DNAH6: variants seen among roughly 807,000 people sequenced by gnomAD.
DNAH6 encodes dynein axonemal heavy chain 6, also known as axonemal beta dynein heavy chain 6.
In DNAH6, 340 loss-of-function variants were observed where a neutral mutation model predicts 491.4. The observed-to-expected ratio is 0.69, with a 90% CI of 0.63 to 0.76. The LOEUF is 0.76. Among genes scored for constraint, DNAH6 ranks in the 30% least tolerant of loss-of-function variants. DNAH6 has a pLI of 0.00. For missense variants in DNAH6, 4,443 were observed against 4,972.2 expected, an observed-to-expected ratio of 0.89 and a Z score of 3.20; for synonymous variants, 1,603 against 1,686.1, an observed-to-expected ratio of 0.95 and a Z score of 1.21.
the DNAH6 span, among the ~76,000 whole-genome samples, chr2:84,495,330 T>C: frequency 6.6e-6 from 1 of 152,182 alleles, no homozygotes; most frequent in Non-Finnish European, 1.5e-5. Context: ...GCCCTGCTAA[T>C]TTTTGTATTT....
intron 2 of DNAH6, among the ~76,000 whole-genome samples, chr2:84,520,048 A>C (rs1015701476): frequency 6.6e-6 from 1 of 151,850 alleles, no homozygotes; most frequent in Non-Finnish European, 1.5e-5. Context: ...GAGACATTCA[A>C]GTTGTTTTGC....
intron 30 of DNAH6, among the ~76,000 whole-genome samples, chr2:84,636,238 A>G (rs1688868708): frequency 6.6e-6 from 1 of 152,180 alleles, no homozygotes; most frequent in South Asian, 2.1e-4. Flanking sequence ...CAGCCTAGCT[A>G]TGCTTTCTGG....
chr2:84,669,584 G>A (rs1159954950), intron 38 of DNAH6, 74 bp downstream of exon 38: 14 of 1,245,142 alleles, frequency 1.1e-5, no homozygotes, highest in Middle Eastern at 1.9e-4. Context: ...GTTAGCACCA[G>A]AAGTAATATT....
intron 75 of DNAH6, among the ~76,000 whole-genome samples, chr2:84,814,566 G>A (rs1470316274): frequency 1.3e-5 from 2 of 152,076 alleles, no homozygotes; most frequent in East Asian, 3.9e-4. Context: ...TCCCATGTCA[G>A]GAAAACTTGA....
rs138768260 is a variant in DNAH6 at position 84,702,132 on chromosome 2, C to T, written c.8061+793C>T. On this transcript the variant is annotated intron_variant, in intron 49 of 76. Transcript: ENST00000389394. ...TTTAAAGAACATGTGCCAGTGGTTC[C>T]GACTAAGAGCAAGGACTGGGGTATC... Among the ~76,000 whole-genome samples, 29 of 152,216 alleles carry T rather than the reference C, an allele frequency of 1.9e-4. 2 individuals carry two copies. In the East Asian group the frequency reaches 4.8e-3, roughly 25 times the overall value.
At position 84,686,480 on chromosome 2, in the gene DNAH6, A is replaced by G. The variant is rs1215971947; in HGVS notation, c.7064-4A>G. ...TTTAAAACTTGGTTTTGTTCTTTAA[A>G]TAGACAAACATTTTGGAATTGCAAT... On this transcript the variant is annotated splice_region_variant and splice_polypyrimidine_tract_variant and intron_variant, in intron 43 of 76. Transcript: ENST00000389394. The G allele has an allele frequency of 6.6e-7, 1 of 1,505,994 alleles. No individual in the cohort carries two copies. The highest frequency in any genetic ancestry group is 2.0e-5 in the Admixed American group (1 of 49,690). The allele number at this position is 1,505,994 out of a possible 1,614,324, so 93.3% of individuals were successfully genotyped here.
At position 84,669,507 on chromosome 2, in the gene DNAH6, C is replaced by T. The variant is rs1692505343; in HGVS notation, c.6303C>T (p.Gly2101=). Residue 2101 remains glycine (G), a synonymous_variant, in exon 38 of 77, where the codon GGC becomes GGT. Coordinates refer to ENST00000389394, the MANE Select transcript of DNAH6 (RefSeq NM_001370.2). ...TGTTTACTGGAATAACTGGAGTGGG[C>T]AAGGTAGGAAACTTACATCAAACAA... ...SVLFTGITGV[G]KSVIAKGLLN... 1.9e-6 allele frequency: 3 copies of T among 1,551,370 alleles called. No homozygotes were observed. The highest frequency in any genetic ancestry group is 1.7e-6 in the Non-Finnish European group (2 of 1,146,750).
intron 60 of DNAH6, among the ~76,000 whole-genome samples, chr2:84,725,950 C>G (rs1698582612): frequency 6.6e-6 from 1 of 152,176 alleles, no homozygotes; most frequent in Admixed American, 6.5e-5. Context: ...CCTTTGTCAA[C>G]AAAACTTTCA....
At position 84,653,748 on chromosome 2, in the gene DNAH6, C is replaced by T. The variant is rs1238470436; in HGVS notation, c.5508C>T (p.Ile1836=). 2.6e-6 allele frequency: 4 copies of T among 1,551,324 alleles called. No homozygotes were observed. Among genetic ancestry groups the T allele is most frequent in the Non-Finnish European group, 3.5e-6 (4 of 1,146,686 alleles). ...CTTCAGAAGACCATAAATGGATCATCAGTGATGGGCCAGTAGATGCTCTTT... is the reference window on the plus strand; with the variant it reads ...CTTCAGAAGACCATAAATGGATCATTAGTGATGGGCCAGTAGATGCTCTTT... The part of the protein sequence containing the change: ...NDTSEDHKWI[I]SDGPVDALWI... Residue 1836 remains isoleucine, a synonymous_variant, in exon 34 of 77, where the codon ATC becomes ATT. Coordinates refer to ENST00000389394, the MANE Select transcript of DNAH6 (RefSeq NM_001370.2).
In DNAH6 at chr2:84,557,839, C is replaced by CA; in HGVS notation, c.1709dup (p.Asn570LysfsTer4). Reference sequence around the variant, plus strand: ...ATGCTTTCACCAGCCCTTATATTAACAACAAACTTGAAGGAAAAACCTGTG... The same window carrying CA: ...ATGCTTTCACCAGCCCTTATATTAACAAACAAACTTGAAGGAAAAACCTGTG... On this transcript the variant is annotated frameshift_variant, in exon 11 of 77. Transcript: ENST00000389394. LOFTEE classifies it high-confidence loss of function. 2 of 1,613,050 alleles carry CA rather than the reference C, an allele frequency of 1.2e-6. No homozygotes were observed. Among genetic ancestry groups the CA allele is most frequent in the Non-Finnish European group, 1.7e-6 (2 of 1,179,472 alleles).
At chr2:84,470,362 A>C in the DNAH6 span, among the ~76,000 whole-genome samples, 1 of 152,182 alleles carries the variant, frequency 6.6e-6, no homozygotes, top group African/African-American at 2.4e-5. Context: ...TAAGAAAGTA[A>C]AGGAATAAAA....
the DNAH6 span, among the ~76,000 whole-genome samples, chr2:84,465,272 G>C: frequency 6.6e-6 from 1 of 152,168 alleles, no homozygotes; most frequent in Admixed American, 6.5e-5. Flanking sequence ...GAGGTGAGCA[G>C]ATCACGAGGT....
chr2:84,528,986 G>T lies in DNAH6; in HGVS notation c.482G>T (p.Gly161Val), dbSNP rs1676887383. 6.4e-7 allele frequency: 1 copy of T among 1,550,586 alleles called. No homozygotes were observed. Among genetic ancestry groups the T allele is most frequent in the Admixed American group, 2.0e-5 (1 of 50,884 alleles). The part of the protein sequence containing the change: ...HTGIGKRGLF[G>V]TRSSAYPKYT... ...GGTATTGGAAAAAGAGGTCTCTTTG[G>T]GACTAGATCTTCAGCTTACCCTAAG... The change falls in exon 4 of 77, where the codon GGG becomes GTG. Residue 161 changes from glycine to valine, a missense_variant. By Grantham distance (109) the Gly-to-Val change is moderately radical. Around this residue, in one of 3 missense-constraint regions of DNAH6, gnomAD observed 2,977 missense variants for 3,296.6 expected, o/e 0.90. Coordinates refer to ENST00000389394, the MANE Select transcript of DNAH6 (RefSeq NM_001370.2).
chr2:84,481,095 G>A, the DNAH6 span, among the ~76,000 whole-genome samples: 7 of 152,110 alleles, frequency 4.6e-5, no homozygotes, highest in Non-Finnish European at 5.9e-5. Flanking sequence ...CAGGACTAAC[G>A]GATTGGAAAG....
chr2:84,522,162 T>C (rs1676210498), intron 2 of DNAH6, among the ~76,000 whole-genome samples: 1 of 152,148 alleles, frequency 6.6e-6, no homozygotes, highest in South Asian at 2.1e-4. Flanking sequence ...AGCAGTGCTT[T>C]GTAATTTTCA....
chr2:84,598,127 TTTTC>T lies in DNAH6; in HGVS notation c.2868+2388_2868+2391del, dbSNP rs56356355. 7.3e-3 allele frequency among the ~76,000 whole-genome samples: 797 copies of T among 109,392 alleles called. 4 individuals carry two copies. Among genetic ancestry groups the T allele is most frequent in the African/African-American group, 0.013 (373 of 29,082 alleles). The allele number at this position is 109,392 out of a possible 152,430, so 71.8% of individuals were successfully genotyped here. A position where few individuals can be genotyped will look rare whatever the true frequency, so the allele number is the denominator to read the frequency against. ...GAACTCGTGGTTCTTTCTATCTTTC[TTTTC>T]TTTCTTTCTTTCTTTCTTTCTTTCT... On this transcript the variant is annotated intron_variant, in intron 18 of 76. Transcript: ENST00000389394.
At chr2:84,598,142 T>TCTTTCTTTC (rs1210525310) in intron 18 of DNAH6, among the ~76,000 whole-genome samples, 10 of 57,614 alleles carry the variant, frequency 1.7e-4, no homozygotes. Flanking sequence ...TTTCTTTCTT[T>TCTTTCTTTC]CTTTCTTTCT....
rs542305584 is a variant in DNAH6, at chr2:84,797,580, G to A, written c.11403G>A (p.Lys3801=). 1 of 1,551,676 alleles carries A rather than the reference G, an allele frequency of 6.4e-7. No homozygotes were observed. Among genetic ancestry groups the A allele is most frequent in the East Asian group, 2.4e-5 (1 of 40,920 alleles). ...TGGCTGACAGCCTACAAGAGTTTAA[G>A]GACTACATTGAAAATCTGCCTTTGA... ...APMADSLQEF[K]DYIENLPLID... Residue 3801 remains lysine (K), a synonymous_variant, in exon 70 of 77, where the codon AAG becomes AAA. Coordinates refer to ENST00000389394, the MANE Select transcript of DNAH6 (RefSeq NM_001370.2).
Position 84,544,327 on chromosome 2 carries a change from G to C in DNAH6, c.757G>C (p.Glu253Gln). The change falls in exon 5 of 77, where the codon GAA becomes CAA. Residue 253 changes from glutamate (E) to glutamine (Q), a missense_variant. Physicochemically the swap from Glu to Gln is conservative, Grantham distance 29. Transcript: ENST00000389394. ...TTATAATGAAGACATTGAATTTATCGAAATTGATCGATGGGAACAGGAATA... is the reference window on the plus strand; with the variant it reads ...TTATAATGAAGACATTGAATTTATCCAAATTGATCGATGGGAACAGGAATA... ...HIYNEDIEFI[E>Q]IDRWEQEYLY... 3.2e-6 allele frequency: 5 copies of C among 1,541,786 alleles called. No homozygotes were observed. The highest frequency in any genetic ancestry group is 4.4e-6 in the Non-Finnish European group (5 of 1,138,308).
Sources: allele counts gnomAD v4.1 joint callset (sites outside exome capture counted in the v4.1 genomes callset), GRCh38; gene constraint gnomAD v4.1.1; regional missense constraint gnomAD v4.1.1; transcripts MANE v1.5; gene names NCBI Gene and HGNC (gene_info 2026-07-23, HGNC 2026-07-21).